The following SNX25 variants were observed in gnomAD, a reference collection of about 807,000 sequenced individuals.
SNX25 encodes sorting nexin 25.
SNX25 carries 62 observed loss-of-function variants against 113.7 expected under a neutral mutation model. The ratio of observed to expected loss-of-function variants is 0.55; its 90% CI spans 0.44 to 0.67. SNX25 has a LOEUF of 0.67. Ranked by LOEUF, SNX25 falls within the 30% of genes least tolerant of loss-of-function variation. The probability of loss-of-function intolerance (pLI) is 0.00; values close to 1 mark genes in which losing one functional copy is unlikely to be tolerated. For missense variants in SNX25, 1,014 were observed against 1,161.0 expected, an observed-to-expected ratio of 0.87 and a Z score of 1.84; for synonymous variants, 421 against 436.2, an observed-to-expected ratio of 0.97 and a Z score of 0.43.
At chr4:185,336,426 T>A (rs899146413) in intron 10 of SNX25, among the ~76,000 whole-genome samples, 6 of 152,182 alleles carry the variant, frequency 3.9e-5, no homozygotes, top group Non-Finnish European at 5.9e-5. Flanking sequence ...CGATGTTTGG[T>A]TTTCCATTCC....
intron 4 of SNX25, among the ~76,000 whole-genome samples, chr4:185,264,943 A>T (rs1351229929): frequency 6.6e-6 from 1 of 152,042 alleles, no homozygotes; most frequent in Admixed American, 6.6e-5. Flanking sequence ...ATATCTATAT[A>T]ATATCCATAG....
Position 185,248,510 on chromosome 4 carries a change from G to A in SNX25, c.514+1132G>A, listed in dbSNP as rs1008436242. Among the ~76,000 whole-genome samples the A allele has an allele frequency of 2.6e-5, 4 of 152,028 alleles. No homozygotes were observed. In the East Asian group the frequency reaches 7.7e-4, roughly 29 times the overall value. ...CTGCAAAAAATACAAAAATTAACTG[G>A]GAGTGGTGGCACATGCCTGTAGTCC... On this transcript the variant is annotated intron_variant, in intron 2 of 18. Transcript: ENST00000652585.
At chr4:185,365,315 T>C (rs1349866684), downstream of SNX25, 2 of 152,166 alleles carry the variant, frequency 1.3e-5, no homozygotes, top group African/African-American at 2.4e-5. Context: ...AAGTGCTCTT[T>C]ACTTAGGGCC....
At chr4:185,305,788 A>G (rs979484281) in intron 6 of SNX25, among the ~76,000 whole-genome samples, 5 of 152,194 alleles carry the variant, frequency 3.3e-5, no homozygotes, top group Admixed American at 3.3e-4. Flanking sequence ...CTAGACGGAA[A>G]AACAGTAAAT....
In SNX25 at chr4:185,346,868, A is replaced by G. The variant is rs1438717041; in HGVS notation, c.2301+218A>G. 7.9e-5 allele frequency among the ~76,000 whole-genome samples: 12 copies of G among 152,200 alleles called. No individual in the cohort carries two copies. The East Asian group carries it at 2.1e-3, about 27-fold the overall frequency. On this transcript the variant is annotated intron_variant, in intron 13 of 18. Coordinates refer to ENST00000652585, the MANE Select transcript of SNX25 (RefSeq NM_001378034.2). ...TCCGTTTCACAAACTGAACACACCC[A>G]TGTAACCAGCACCCAGTCCAATGCA...
chr4:185,270,520 T>G (rs1748773444), intron 5 of SNX25, among the ~76,000 whole-genome samples: 1 of 152,236 alleles, frequency 6.6e-6, no homozygotes, highest in South Asian at 2.1e-4. Flanking sequence ...GAATACCTTT[T>G]GAAAATGAGA....
chr4:185,333,335 A>G (rs964438317), intron 10 of SNX25, among the ~76,000 whole-genome samples: 2 of 152,192 alleles, frequency 1.3e-5, no homozygotes, highest in African/African-American at 4.8e-5. Context: ...GATCTGCCAG[A>G]TTGGTCTCTG....
chr4:185,334,478 G>A lies in SNX25; in HGVS notation c.1914+1719G>A, dbSNP rs539703219. On this transcript the variant is annotated intron_variant, in intron 10 of 18. Coordinates refer to ENST00000652585, the MANE Select transcript of SNX25 (RefSeq NM_001378034.2). The surrounding 1 kb of genome is among the most constrained non-coding windows in gnomAD (Gnocchi z 4.2). Reference sequence around the variant, plus strand: ...CTCCCATTTACTACATACAGAACTCGAAAGCCTGATAGTCTTCCCAGTGAC... The same window carrying A: ...CTCCCATTTACTACATACAGAACTCAAAAGCCTGATAGTCTTCCCAGTGAC... 1.6e-4 allele frequency among the ~76,000 whole-genome samples: 24 copies of A among 152,146 alleles called. No homozygotes were observed. The highest frequency in any genetic ancestry group is 2.9e-4 in the Non-Finnish European group (20 of 68,036).
intron 7 of SNX25, among the ~76,000 whole-genome samples, chr4:185,319,767 T>C (rs1000668367): frequency 1.3e-5 from 2 of 152,234 alleles, no homozygotes; most frequent in African/African-American, 4.8e-5. Flanking sequence ...AGTATGTGCA[T>C]TTTAAATATT....
upstream of SNX25, among the ~76,000 whole-genome samples, chr4:185,207,077 A>G (rs1737218976): frequency 6.6e-6 from 1 of 152,132 alleles, no homozygotes; most frequent in South Asian, 2.1e-4. Context: ...TGCCCACATC[A>G]AGGGTGGATC....
rs201922112 is a variant in SNX25 at position 185,274,062 on chromosome 4, G to GC, written c.1091+6908dup. 2.7e-5 allele frequency among the ~76,000 whole-genome samples: 4 copies of GC among 150,838 alleles called. No homozygotes were observed. In the South Asian group the frequency reaches 8.4e-4, roughly 32 times the overall value. Reference sequence around the variant, plus strand: ...AAAAAGATGACAAGGTTATACACGGGCTTTTTTTTTTTTTTTGAGATGGAG... The same window carrying GC: ...AAAAAGATGACAAGGTTATACACGGGCCTTTTTTTTTTTTTTTGAGATGGAG... On this transcript the variant is annotated intron_variant, in intron 5 of 18. Transcript: ENST00000652585.
rs187732017 is a variant in SNX25, at chr4:185,334,366, G to A, written c.1914+1607G>A. ...ATCAATCAATAAAAAATAAGAGAGCGTTAATGGTATTCTGAAAAGGAAACA... is the reference window on the plus strand; with the variant it reads ...ATCAATCAATAAAAAATAAGAGAGCATTAATGGTATTCTGAAAAGGAAACA... On this transcript the variant is annotated intron_variant, in intron 10 of 18. Transcript: ENST00000652585. This position sits in a 1 kb window ranked among gnomAD's most constrained non-coding sequence, Gnocchi z 4.2. 1.8e-4 allele frequency among the ~76,000 whole-genome samples: 28 copies of A among 152,238 alleles called. No homozygotes were observed. The East Asian group carries it at 2.7e-3, about 15-fold the overall frequency.
At chr4:185,375,357 G>A in the SNX25 span, among the ~76,000 whole-genome samples, 2 of 145,076 alleles carry the variant, frequency 1.4e-5, no homozygotes, top group Non-Finnish European at 3.0e-5. Flanking sequence ...TGTGAAGGCT[G>A]AGGCAGAAGA....
chr4:185,214,953 T>G (rs1738535524), intron 1 of SNX25, among the ~76,000 whole-genome samples: 1 of 152,110 alleles, frequency 6.6e-6, no homozygotes, highest in Admixed American at 6.6e-5. Flanking sequence ...ATAATGGGCC[T>G]GGCGCGGTGT....
At chr4:185,292,237 G>A (rs960112699) in intron 6 of SNX25, among the ~76,000 whole-genome samples, 2 of 152,074 alleles carry the variant, frequency 1.3e-5, no homozygotes, top group Admixed American at 6.6e-5. Context: ...CAGTGCTCTC[G>A]GGTCTAGTAA....
chr4:185,377,952 A>C, the SNX25 span: 1 of 747,374 alleles, frequency 1.3e-6, no homozygotes, highest in East Asian at 2.8e-5. Context: ...GGGAAAACTC[A>C]AAAGGACTAA....
chr4:185,318,580 G>A (rs1183923261), intron 7 of SNX25, among the ~76,000 whole-genome samples: 1 of 152,104 alleles, frequency 6.6e-6, no homozygotes. Flanking sequence ...CAAAAAGGCA[G>A]GGTATAACAT....
At chr4:185,355,967 C>T (rs2095336960) in intron 15 of SNX25, among the ~76,000 whole-genome samples, 1 of 152,234 alleles carries the variant, frequency 6.6e-6, no homozygotes. Flanking sequence ...CTGCGGCATG[C>T]ACTTCCTCCA....
chr4:185,305,432 G>T (rs1393848619), intron 6 of SNX25, among the ~76,000 whole-genome samples: 1 of 152,150 alleles, frequency 6.6e-6, no homozygotes, highest in African/African-American at 2.4e-5. Context: ...TACCTGAAAA[G>T]CACAGTGGTG....
Sources: gnomAD v4.1 joint callset for allele counts (sites outside exome capture counted in the v4.1 genomes callset) on GRCh38, gnomAD v4.1.1 for gene constraint, Gnocchi (gnomAD v3.1) non-coding constraint, MANE v1.5 for transcripts, NCBI Gene and HGNC (gene_info 2026-07-23, HGNC 2026-07-21) for gene names.